DPF3: variants seen among roughly 807,000 people sequenced by gnomAD.
DPF3 encodes double PHD fingers 3.
A neutral mutation model predicts 56.8 loss-of-function variants in DPF3; 18 were observed. The ratio of observed to expected loss-of-function variants is 0.32; its 90% confidence interval spans 0.22 to 0.47. DPF3 has a LOEUF of 0.47. Among genes scored for constraint, DPF3 ranks in the 20% least tolerant of loss-of-function variants. The probability of loss-of-function intolerance (pLI) is 1.00; values close to 1 mark genes in which losing one functional copy is unlikely to be tolerated. For synonymous variants in DPF3, 188 were observed against 180.2 expected, an observed-to-expected ratio of 1.04 and a Z score of -0.35; for missense variants, 403 against 488.8, an observed-to-expected ratio of 0.82 and a Z score of 1.65.
chr14:72,639,743 G>A (rs969389822), intron 8 of DPF3, among the ~76,000 whole-genome samples: 1 of 152,098 alleles, frequency 6.6e-6, no homozygotes, highest in Non-Finnish European at 1.5e-5. Context: ...GAGGCCTTGG[G>A]CCAGAGGCAC....
intron 1 of DPF3, among the ~76,000 whole-genome samples, chr14:72,786,261 TA>T (rs34500276): frequency 1.8e-3 from 259 of 142,080 alleles, no homozygotes; most frequent in Admixed American, 2.2e-3. Flanking sequence ...AGACTCCACC[TA>T]AAAAAAAAAA....
At chr14:72,624,715 C>T (rs902593475) in intron 9 of DPF3, among the ~76,000 whole-genome samples, 3 of 152,162 alleles carry the variant, frequency 2.0e-5, no homozygotes. Flanking sequence ...TCTCAGTATC[C>T]TTCAATCTGT....
chr14:72,833,630 A>G (rs1884158512), intron 1 of DPF3, among the ~76,000 whole-genome samples: 2 of 152,200 alleles, frequency 1.3e-5, no homozygotes, highest in African/African-American at 4.8e-5. Flanking sequence ...AGGAGTAGCC[A>G]AAGAGGTAAA....
In DPF3 at chr14:72,643,407, G is replaced by A. The variant is rs1159838959; in HGVS notation, c.872-13671C>T. On this transcript the variant is annotated intron_variant, in intron 8 of 10. Coordinates refer to ENST00000556509, the MANE Select transcript of DPF3 (RefSeq NM_001280542.3). ...CCAGACTTGCTTACATGAGGCAGAGGACTGAGTCCTCACCATCTGGCAGTG... is the reference window on the plus strand; with the variant it reads ...CCAGACTTGCTTACATGAGGCAGAGAACTGAGTCCTCACCATCTGGCAGTG... Among the ~76,000 whole-genome samples the A allele has an allele frequency of 5.9e-5, 9 of 152,330 alleles. No homozygotes were observed. In the South Asian group the frequency reaches 1.9e-3, roughly 32 times the overall value.
rs147600915 is a variant in DPF3, at chr14:72,837,714, G to A, written c.32+56343C>T. ...GATTGTGCCATTGCACTCCAGCCTGGGAGACAGAGCAAGACTCCATCTCGA... is the reference window on the plus strand; with the variant it reads ...GATTGTGCCATTGCACTCCAGCCTGAGAGACAGAGCAAGACTCCATCTCGA... On this transcript the variant is annotated intron_variant, in intron 1 of 10. Coordinates refer to ENST00000556509, the MANE Select transcript of DPF3 (RefSeq NM_001280542.3). 9.6e-3 allele frequency among the ~76,000 whole-genome samples: 1,459 copies of A among 152,050 alleles called. 28 individuals are homozygous for A. Among genetic ancestry groups the A allele is most frequent in the African/African-American group, 0.033 (1,375 of 41,460 alleles).
intron 1 of DPF3, among the ~76,000 whole-genome samples, chr14:72,872,748 A>C (rs1358715409): frequency 6.6e-6 from 1 of 152,230 alleles, no homozygotes; most frequent in African/African-American, 2.4e-5. Context: ...AACAGAACAG[A>C]GGCCTCAGAA....
chr14:72,665,568 A>G (rs979890673), intron 8 of DPF3, among the ~76,000 whole-genome samples: 1 of 152,272 alleles, frequency 6.6e-6, no homozygotes. Flanking sequence ...TTAGAAAAAC[A>G]GCATCCAAGC....
At position 72,731,737 on chromosome 14, in the gene DPF3, G is replaced by C. The variant is rs141827851; in HGVS notation, c.429+70C>G. The stretch of plus-strand genomic sequence containing the variant: ...TGAGGGGAGGATCTGGAGCCAAGCC[G>C]GTGCTGGAGTTCTGGAAGCGCTATG... On this transcript the variant is annotated intron_variant, in intron 4 of 10. Transcript: ENST00000556509. The C allele has an allele frequency of 1.6e-5, 26 of 1,592,078 alleles. No individual in the cohort carries two copies. In the Middle Eastern group the frequency reaches 8.3e-4, roughly 51 times the overall value.
At chr14:72,710,982 C>T (rs1300936551) in intron 6 of DPF3, among the ~76,000 whole-genome samples, 2 of 152,200 alleles carry the variant, frequency 1.3e-5, no homozygotes, top group Admixed American at 1.3e-4. Context: ...ATCAAGCAAA[C>T]TCTCTATCAC....
intron 2 of DPF3, among the ~76,000 whole-genome samples, chr14:72,761,690 A>T (rs1447111250): frequency 1.3e-5 from 2 of 151,908 alleles, no homozygotes; most frequent in African/African-American, 2.4e-5. Flanking sequence ...ATTAAAAGAA[A>T]TAAGAAACAG....
At chr14:72,647,066 C>A (rs1431978565) in intron 8 of DPF3, among the ~76,000 whole-genome samples, 1 of 152,192 alleles carries the variant, frequency 6.6e-6, no homozygotes, top group Non-Finnish European at 1.5e-5. Context: ...GTCTTCCCAC[C>A]ACTCTCATCC....
chr14:72,829,128 C>A (rs1359456318), intron 1 of DPF3, among the ~76,000 whole-genome samples: 3 of 152,186 alleles, frequency 2.0e-5, no homozygotes, highest in Non-Finnish European at 4.4e-5. Context: ...TCACATTGAT[C>A]AGCAAATAAA....
intron 1 of DPF3, among the ~76,000 whole-genome samples, chr14:72,802,083 G>T (rs191020282): frequency 6.6e-6 from 1 of 152,282 alleles, no homozygotes; most frequent in Non-Finnish European, 1.5e-5. Flanking sequence ...ACCAACAAGT[G>T]GCACCATGTG....
intron 4 of DPF3, among the ~76,000 whole-genome samples, chr14:72,728,205 T>C (rs1889486371): frequency 2.6e-5 from 4 of 152,122 alleles, no homozygotes; most frequent in African/African-American, 9.7e-5. Context: ...GACTTCAAAA[T>C]CTGAAAGTCA....
chr14:72,800,743 TGC>T (rs1892857561), intron 1 of DPF3, among the ~76,000 whole-genome samples: 17 of 152,044 alleles, frequency 1.1e-4, no homozygotes, highest in South Asian at 2.1e-4. Context: ...CATGGGTGGA[TGC>T]ATGGATGGGT....
Position 72,714,407 on chromosome 14 carries a change from A to G in DPF3, c.604+16T>C, listed in dbSNP as rs1329870544. ...GCGCACAGGGAGGAAGGAAGGTGGGACCGGCCCATACTTACTGTCACAGAC... is the reference window on the plus strand; with the variant it reads ...GCGCACAGGGAGGAAGGAAGGTGGGGCCGGCCCATACTTACTGTCACAGAC... On this transcript the variant is annotated intron_variant, in intron 6 of 10. Transcript: ENST00000556509. The G allele has an allele frequency of 1.2e-6, 2 of 1,613,078 alleles. No homozygotes were observed. Among genetic ancestry groups the G allele is most frequent in the South Asian group, 1.1e-5 (1 of 91,020 alleles).
At chr14:72,893,283 T>C (rs1274639485) in intron 1 of DPF3, among the ~76,000 whole-genome samples, 1 of 152,056 alleles carries the variant, frequency 6.6e-6, no homozygotes, top group Non-Finnish European at 1.5e-5. Flanking sequence ...TCATAAGACC[T>C]GCGGCTTCCC....
At chr14:72,884,292 T>C (rs1275350064) in intron 1 of DPF3, among the ~76,000 whole-genome samples, 1 of 152,224 alleles carries the variant, frequency 6.6e-6, no homozygotes, top group Admixed American at 6.5e-5. Flanking sequence ...TTACACAGCC[T>C]GGATGAGTAG....
At chr14:72,802,378 A>G (rs1892927619) in intron 1 of DPF3, among the ~76,000 whole-genome samples, 1 of 152,158 alleles carries the variant, frequency 6.6e-6, no homozygotes, top group Non-Finnish European at 1.5e-5. Flanking sequence ...CTCATCTGTC[A>G]AGAGAGAACC....
Sources: gnomAD v4.1 joint callset for allele counts (sites outside exome capture counted in the v4.1 genomes callset) on GRCh38, gnomAD v4.1.1 for gene constraint, MANE v1.5 for transcripts, NCBI Gene and HGNC (gene_info 2026-07-23, HGNC 2026-07-21) for gene names.